Variants in ZNF275 observed in about 807,000 individuals in gnomAD.
ZNF275 encodes zinc finger protein 275.
ZNF275 carries 4 observed loss-of-function variants against 4.3 expected under a neutral mutation model. The observed-to-expected ratio is 0.93, with a 90% CI of 0.46 to 2.13. The LOEUF (loss-of-function observed/expected upper bound fraction) is 2.13, where lower values mean the gene tolerates loss of function less well. ZNF275 is among the 30% of genes most tolerant of loss of function. The pLI is 0.02. For synonymous variants in ZNF275, 173 were observed against 166.9 expected, an observed-to-expected ratio of 1.04 and a Z score of -0.28; for missense variants, 352 against 397.1, an observed-to-expected ratio of 0.89 and a Z score of 0.97.
Position 153,351,976 on chromosome X carries a change from G to T in ZNF275, c.*4001G>T, listed in dbSNP as rs1602837552. Reference sequence around the variant, plus strand: ...CCAAGGGCAGCAAGCAATCATCAGAGCATAGAGCTGACAGAACATGATGGA... The same window carrying T: ...CCAAGGGCAGCAAGCAATCATCAGATCATAGAGCTGACAGAACATGATGGA... On this transcript the variant is annotated 3_prime_UTR_variant, in exon 4 of 4. Coordinates refer to ENST00000650114, the MANE Select transcript of ZNF275 (RefSeq NM_001367757.1). The T allele has an allele frequency of 8.9e-6, 1 of 112,001 alleles. No homozygotes were observed. The highest frequency in any genetic ancestry group is 3.3e-5 in the African/African-American group (1 of 30,764). 9.2% of individuals were successfully genotyped at this position (112,001 alleles called of 1,213,427 possible).
At chrX:153,340,985 C>T (rs904552689) in intron 2 of ZNF275, among the ~76,000 whole-genome samples, 3 of 112,300 alleles carry the variant, frequency 2.7e-5, no homozygotes, top group South Asian at 3.7e-4. Flanking sequence ...AGCTCTTAGC[C>T]ACATCTGTCA....
rs782137824 is a variant in ZNF275 at position 153,347,471 on chromosome X, C to T, written c.786C>T (p.His262=). ...LLKHQRMHTG[H]LPFDCDDCGK... is the part of the protein sequence containing the mutation. ...AGCACCAGCGCATGCACACTGGCCA[C>T]CTGCCCTTCGACTGCGACGACTGCG... The change falls in exon 4 of 4, where the codon CAC becomes CAT. Residue 262 remains histidine, a synonymous_variant. Coordinates refer to ENST00000650114, the MANE Select transcript of ZNF275 (RefSeq NM_001367757.1). 5.0e-6 allele frequency: 6 copies of T among 1,207,001 alleles called. No individual in the cohort carries two copies. The highest frequency in any genetic ancestry group is 6.7e-6 in the Non-Finnish European group (6 of 892,850).
At chrX:153,341,099 T>C (rs1014097919) in intron 2 of ZNF275, among the ~76,000 whole-genome samples, 1 of 112,491 alleles carries the variant, frequency 8.9e-6, no homozygotes, top group Non-Finnish European at 1.9e-5. Flanking sequence ...TTTTAACTTA[T>C]CTGTGTCTTT....
rs1177386228 is a variant in ZNF275, at chrX:153,346,808, T to C, written c.134-11T>C. Reference sequence around the variant, plus strand: ...TCTGCAGACTACACTGCCTTGTGTTTATCGTTTCAGAAAGCACCTCCGCGA... The same window carrying C: ...TCTGCAGACTACACTGCCTTGTGTTCATCGTTTCAGAAAGCACCTCCGCGA... On this transcript the variant is annotated splice_polypyrimidine_tract_variant and intron_variant, in intron 3 of 3. Transcript: ENST00000650114. 1.7e-6 allele frequency: 2 copies of C among 1,179,319 alleles called. No homozygotes were observed. Among genetic ancestry groups the C allele is most frequent in the Non-Finnish European group, 2.3e-6 (2 of 878,872 alleles).
At chrX:153,346,081 G>A (rs983766393) in intron 3 of ZNF275, among the ~76,000 whole-genome samples, 2 of 108,928 alleles carry the variant, frequency 1.8e-5, no homozygotes, top group Non-Finnish European at 3.8e-5. Flanking sequence ...GTTGAGGTTA[G>A]GATTGAGAGG....
intron 3 of ZNF275, 92 bp from the exon 4 acceptor site, chrX:153,346,727 C>T: frequency 4.1e-6 from 4 of 978,380 alleles, no homozygotes; most frequent in Non-Finnish European, 5.5e-6. Context: ...TGCTCAGTGG[C>T]TGTCTCAGAA....
rs782220333 is a variant in ZNF275 at position 153,348,808 on chromosome X, TACTTTTTCAA to T, written c.*836_*845del. 8 of 123,988 alleles carry T rather than the reference TACTTTTTCAA, an allele frequency of 6.5e-5. No individual in the cohort carries two copies. The highest frequency in any genetic ancestry group is 1.5e-4 in the Non-Finnish European group (8 of 53,432). 10.2% of individuals were successfully genotyped at this position (123,988 alleles called of 1,213,427 possible). On this transcript the variant is annotated 3_prime_UTR_variant, in exon 4 of 4. Coordinates refer to ENST00000650114, the MANE Select transcript of ZNF275 (RefSeq NM_001367757.1). ...TGTACAATATAACCACTTAAGGTCA[TACTTTTTCAA>T]ACAACCTTTAAACGTCTTTTCTTTT...
At chrX:153,343,102 T>A (rs996252091) in intron 2 of ZNF275, among the ~76,000 whole-genome samples, 1 of 113,061 alleles carries the variant, frequency 8.8e-6, no homozygotes, top group African/African-American at 3.2e-5. Flanking sequence ...CTGTCCAGTG[T>A]CTGAAAACTT....
At chrX:153,341,257 A>T (rs1238342895) in intron 2 of ZNF275, among the ~76,000 whole-genome samples, 1 of 110,869 alleles carries the variant, frequency 9.0e-6, no homozygotes, top group East Asian at 2.8e-4. Flanking sequence ...ATTTGTTTTT[A>T]TTTGCCTCTT....
chrX:153,347,160 G>A lies in ZNF275; in HGVS notation c.475G>A (p.Gly159Ser), dbSNP rs1398813114. The change falls in exon 4 of 4, where the codon GGC (glycine) becomes AGC (serine). Residue 159 changes from glycine to serine, a missense_variant. Gly to Ser is a moderately conservative substitution (Grantham distance 56, BLOSUM62 0). Transcript: ENST00000650114. ...KSHVAAEPQP[G>S]PSRALENAAE... ...CCACGTAGCTGCGGAGCCCCAGCCC[G>A]GCCCCAGTAGGGCCCTGGAGAATGC... The A allele has an allele frequency of 4.1e-6, 5 of 1,207,608 alleles. No individual in the cohort carries two copies. Among genetic ancestry groups the A allele is most frequent in the African/African-American group, 1.8e-5 (1 of 56,937 alleles).
In ZNF275 at chrX:153,347,099, T is replaced by C. The variant is rs371573618; in HGVS notation, c.414T>C (p.Phe138=). The part of the protein sequence containing the change: ...GWECGDCGKV[F]RGVAEFNEHR... ...AATGTGGCGACTGCGGGAAGGTCTT[T>C]AGGGGGGTGGCGGAGTTTAATGAGC... The change falls in exon 4 of 4, where the codon TTT becomes TTC. Residue 138 remains phenylalanine, a synonymous_variant. Transcript: ENST00000650114. 143 of 1,208,982 alleles carry C rather than the reference T, an allele frequency of 1.2e-4. No individual in the cohort carries two copies. Among genetic ancestry groups the C allele is most frequent in the Middle Eastern group, 2.3e-4 (1 of 4,351 alleles).
At chrX:153,346,566 G>A (rs11796873) in intron 3 of ZNF275, among the ~76,000 whole-genome samples, 1 of 112,481 alleles carries the variant, frequency 8.9e-6, no homozygotes, top group African/African-American at 3.2e-5. Flanking sequence ...GGGGGACCCA[G>A]CTGAGCCTTT....
At chrX:153,338,289 A>G (rs190058929) in intron 2 of ZNF275, among the ~76,000 whole-genome samples, 7 of 111,290 alleles carry the variant, frequency 6.3e-5, no homozygotes, top group Admixed American at 2.8e-4. Context: ...TTTACCTGAT[A>G]TACTTGATTG....
At chrX:153,337,023 A>C (rs939735504) in intron 2 of ZNF275, among the ~76,000 whole-genome samples, 1 of 111,218 alleles carries the variant, frequency 9.0e-6, no homozygotes, top group Non-Finnish European at 1.9e-5. Flanking sequence ...CTTTGAAGAC[A>C]CCCGTTGCTC....
In ZNF275 at chrX:153,350,828, T is replaced by C. The variant is rs2088551975; in HGVS notation, c.*2853T>C. 1 of 123,935 alleles carries C rather than the reference T, an allele frequency of 8.1e-6. No homozygotes were observed. Among genetic ancestry groups the C allele is most frequent in the Admixed American group, 9.3e-5 (1 of 10,720 alleles). 10.2% of individuals were successfully genotyped at this position (123,935 alleles called of 1,213,427 possible). On this transcript the variant is annotated 3_prime_UTR_variant, in exon 4 of 4. Coordinates refer to ENST00000650114, the MANE Select transcript of ZNF275 (RefSeq NM_001367757.1). ...TTTCTTCTCGGATCCTTTTTCTCTT[T>C]TCGAGTTGTTAGGATGTGTTTTGTA...
Position 153,347,045 on chromosome X carries a change from G to C in ZNF275, c.360G>C (p.Gln120His). 8.3e-7 allele frequency: 1 copy of C among 1,211,628 alleles called. No homozygotes were observed. Among genetic ancestry groups the C allele is most frequent in the Non-Finnish European group, 1.1e-6 (1 of 895,416 alleles). Reference protein sequence around the residue: ...FRLKVLLVQHQRVHSEEKGWE... With the variant: ...FRLKVLLVQHHRVHSEEKGWE... ...TTAAAGTCCTGCTTGTCCAGCACCA[G>C]AGAGTCCACAGTGAGGAGAAGGGCT... is the stretch of plus-strand genomic sequence containing the variant. Residue 120 changes from glutamine (Q) to histidine (H), a missense_variant, in exon 4 of 4, where the codon CAG becomes CAC. Physicochemically the swap from Gln to His is conservative, Grantham distance 24. Transcript: ENST00000650114.
chrX:153,351,500 A>G lies in ZNF275; in HGVS notation c.*3525A>G, dbSNP rs782274656. ...CCTTTTGTAGTTCATACACATGACAATTGGGTTTCCACGCACGTGCATGAG... is the reference window on the plus strand; with the variant it reads ...CCTTTTGTAGTTCATACACATGACAGTTGGGTTTCCACGCACGTGCATGAG... On this transcript the variant is annotated 3_prime_UTR_variant, in exon 4 of 4. Transcript: ENST00000650114. 2.6e-5 allele frequency: 3 copies of G among 113,791 alleles called. No individual in the cohort carries two copies. The South Asian group carries it at 1.2e-3, about 44-fold the overall frequency. The allele number at this position is 113,791 out of a possible 1,213,427, so 9.4% of individuals were successfully genotyped here. A position where few individuals can be genotyped will look rare whatever the true frequency, so the allele number is the denominator to read the frequency against.
chrX:153,345,567 C>G lies in ZNF275; in HGVS notation c.79C>G (p.Gln27Glu). 1.7e-6 allele frequency: 2 copies of G among 1,211,351 alleles called. No individual in the cohort carries two copies. Among genetic ancestry groups the G allele is most frequent in the Middle Eastern group, 4.6e-4 (2 of 4,348 alleles). Residue 27 changes from glutamine (Q) to glutamate (E), a missense_variant, in exon 3 of 4, where the codon CAA becomes GAA. By Grantham distance (29) the Gln-to-Glu change is conservative. Transcript: ENST00000650114. ...PALVPHLAQG[Q>E]VLLVSDPSPN... ...CTTGGTCCCTCACCTGGCACAAGGA[C>G]AAGTGCTACTGGTGTCAGACCCATC...
Position 153,350,947 on chromosome X carries a change from AT to A in ZNF275, c.*2973del, listed in dbSNP as rs1257794333. ...TCTGCCATGTCTTGCCCGTTCATTT[AT>A]CGTTTGTTGGGTTTCATGAGGGATC... On this transcript the variant is annotated 3_prime_UTR_variant, in exon 4 of 4. Transcript: ENST00000650114. 2.4e-5 allele frequency: 3 copies of A among 123,128 alleles called. No homozygotes were observed. The East Asian group carries it at 8.4e-4, about 35-fold the overall frequency. 10.1% of individuals were successfully genotyped at this position (123,128 alleles called of 1,213,427 possible).
Sources: allele counts gnomAD v4.1 joint callset (sites outside exome capture counted in the v4.1 genomes callset), GRCh38; gene constraint gnomAD v4.1.1; transcripts MANE v1.5; gene names NCBI Gene and HGNC (gene_info 2026-07-23, HGNC 2026-07-21).